RAB9A: variants seen among roughly 807,000 people sequenced by gnomAD.
RAB9A encodes the protein RAB9A, member RAS oncogene family, also known as ras-related protein Rab-9A.
RAB9A carries 1 observed loss-of-function variant against 10.3 expected under a neutral mutation model. The ratio of observed to expected loss-of-function variants is 0.10; its 90% CI spans 0.03 to 0.46. The LOEUF (loss-of-function observed/expected upper bound fraction) is 0.46, where lower values mean the gene tolerates loss of function less well. Ranked by LOEUF, RAB9A falls within the 20% of genes least tolerant of loss-of-function variation. The pLI, the probability that RAB9A is intolerant of heterozygous loss-of-function variation, is 0.96. For synonymous variants in RAB9A, 39 were observed against 55.2 expected, an observed-to-expected ratio of 0.71 and a Z score of 1.30; for missense variants, 92 against 150.3, an observed-to-expected ratio of 0.61 and a Z score of 2.03.
intron 1 of RAB9A, among the ~76,000 whole-genome samples, chrX:13,689,931 G>A (rs1451245598): frequency 9.3e-6 from 1 of 107,826 alleles, no homozygotes; most frequent in East Asian, 2.9e-4. Context: ...AGAAATTTAA[G>A]TGCTGAACTT....
At position 13,691,659 on chromosome X, in the gene RAB9A, CAAAAAAAAAAA is replaced by C. The variant is rs765886332; in HGVS notation, c.-116+2389_-116+2399del. On this transcript the variant is annotated intron_variant, in intron 1 of 2. Transcript: ENST00000464506. The stretch of plus-strand genomic sequence containing the variant: ...TGGGCAACAGAATGAGACTCCATCT[CAAAAAAAAAAA>C]AAAAAAAAAAAAAAAAAGACCAAAT... 3.8e-4 allele frequency among the ~76,000 whole-genome samples: 6 copies of C among 15,924 alleles called. No individual in the cohort carries two copies. In the South Asian group the frequency reaches 0.065, roughly 172 times the overall value. 13.8% of individuals were successfully genotyped at this position (15,924 alleles called of 115,157 possible). A position where few individuals can be genotyped will look rare whatever the true frequency, so the allele number is the denominator to read the frequency against.
rs2046211865 is a variant in RAB9A at position 13,709,371 on chromosome X, A to G, written c.*19A>G. The G allele has an allele frequency of 4.2e-6, 5 of 1,182,341 alleles. No homozygotes were observed. Among genetic ancestry groups the G allele is most frequent in the Non-Finnish European group, 5.7e-6 (5 of 880,188 alleles). ...CTGTTGATTGTTAGATTGTTGATGC[A>G]TTCTAACCAACTCACACATATACAC... On this transcript the variant is annotated 3_prime_UTR_variant, in exon 3 of 3. Coordinates refer to ENST00000464506, the MANE Select transcript of RAB9A (RefSeq NM_004251.5).
At chrX:13,695,815 A>G (rs1227655865) in intron 1 of RAB9A, among the ~76,000 whole-genome samples, 1 of 111,526 alleles carries the variant, frequency 9.0e-6, no homozygotes, top group Non-Finnish European at 1.9e-5. Flanking sequence ...GAAACAGGTA[A>G]GGGTTTCAGT....
intron 1 of RAB9A, among the ~76,000 whole-genome samples, chrX:13,700,774 A>T (rs563037125): frequency 7.6e-5 from 8 of 105,253 alleles, no homozygotes; most frequent in South Asian, 4.1e-4. Flanking sequence ...TACAGTAAAA[A>T]TTTTTTTTTT....
intron 1 of RAB9A, among the ~76,000 whole-genome samples, chrX:13,689,818 G>A (rs946076989): frequency 3.6e-5 from 4 of 112,335 alleles, no homozygotes; most frequent in African/African-American, 1.3e-4. Context: ...CAATCTTAGA[G>A]GCTGCAGGCG....
intron 1 of RAB9A, among the ~76,000 whole-genome samples, chrX:13,695,279 G>T (rs1274177786): frequency 1.8e-5 from 2 of 112,270 alleles, no homozygotes; most frequent in African/African-American, 6.5e-5. Context: ...TGCATCTACA[G>T]TTGTTCTTTC....
chrX:13,691,239 G>C (rs186669140), intron 1 of RAB9A, among the ~76,000 whole-genome samples: 1 of 111,703 alleles, frequency 9.0e-6, no homozygotes, highest in Non-Finnish European at 1.9e-5. Context: ...AGTAACCCCA[G>C]AGCTTACATT....
At chrX:13,697,166 C>T (rs767096457) in intron 1 of RAB9A, among the ~76,000 whole-genome samples, 1 of 111,850 alleles carries the variant, frequency 8.9e-6, no homozygotes, top group Non-Finnish European at 1.9e-5. Flanking sequence ...CAACCCCTAG[C>T]TTTGTCTGCT....
Position 13,708,718 on chromosome X carries a change from C to T in RAB9A, c.-26-3C>T, listed in dbSNP as rs762758696. The T allele has an allele frequency of 4.3e-6, 5 of 1,152,294 alleles. No individual in the cohort carries two copies. In the African/African-American group the frequency reaches 9.1e-5, roughly 21 times the overall value. The allele number at this position is 1,152,294 out of a possible 1,213,427, so 95.0% of individuals were successfully genotyped here. ...AATGTAATGGTGCCTTTTTATTTTA[C>T]AGGGTTCTTGAAGCTTTTGAGATTA... is the stretch of plus-strand genomic sequence containing the variant. On this transcript the variant is annotated splice_region_variant and splice_polypyrimidine_tract_variant and intron_variant, in intron 2 of 2. Coordinates refer to ENST00000464506, the MANE Select transcript of RAB9A (RefSeq NM_004251.5).
At position 13,710,268 on chromosome X, in the gene RAB9A, C is replaced by G. The variant is rs878958897; in HGVS notation, c.*916C>G. The G allele has an allele frequency of 2.4e-5, 3 of 123,711 alleles. No homozygotes were observed. Among genetic ancestry groups the G allele is most frequent in the African/African-American group, 9.7e-5 (3 of 30,933 alleles). The allele number at this position is 123,711 out of a possible 1,213,427, so 10.2% of individuals were successfully genotyped here. ...GTTTCTTAATTGAAGTTAAAACATT[C>G]CTTTATAACACAAGACACAAGCTGA... On this transcript the variant is annotated 3_prime_UTR_variant, in exon 3 of 3. Transcript: ENST00000464506.
rs770658908 is a variant in RAB9A, at chrX:13,703,871, G to A, written c.-58G>A. ...TGTGATGAAACACTTTTCCCGTGTCGTTTGAGTGCATCTTCTCAACAACCC... is the reference window on the plus strand; with the variant it reads ...TGTGATGAAACACTTTTCCCGTGTCATTTGAGTGCATCTTCTCAACAACCC... On this transcript the variant is annotated 5_prime_UTR_variant, in exon 2 of 3. Coordinates refer to ENST00000464506, the MANE Select transcript of RAB9A (RefSeq NM_004251.5). 3.6e-5 allele frequency: 4 copies of A among 112,242 alleles called. No homozygotes were observed. Among genetic ancestry groups the A allele is most frequent in the East Asian group, 5.6e-4 (2 of 3,589 alleles). 9.3% of individuals were successfully genotyped at this position (112,242 alleles called of 1,213,427 possible).
At position 13,699,158 on chromosome X, in the gene RAB9A, G is replaced by A. The variant is rs752090965; in HGVS notation, c.-115-4656G>A. 9.0e-5 allele frequency among the ~76,000 whole-genome samples: 10 copies of A among 111,487 alleles called. No homozygotes were observed. In the East Asian group the frequency reaches 2.5e-3, roughly 28 times the overall value. On this transcript the variant is annotated intron_variant, in intron 1 of 2. Coordinates refer to ENST00000464506, the MANE Select transcript of RAB9A (RefSeq NM_004251.5). ...TTTCAGCATTTGCCAGCTCCCTGTC[G>A]CAGTCAGTCAATAGTACTTATTTTA...
intron 2 of RAB9A, among the ~76,000 whole-genome samples, chrX:13,708,343 C>CCAA (rs1230224359): frequency 5.6e-5 from 6 of 106,475 alleles, no homozygotes; most frequent in East Asian, 2.9e-4. Flanking sequence ...AAAACCAAAA[C>CCAA]AACAACAACA....
chrX:13,691,384 G>A (rs2046122081), intron 1 of RAB9A, among the ~76,000 whole-genome samples: 1 of 111,855 alleles, frequency 8.9e-6, no homozygotes, highest in Non-Finnish European at 1.9e-5. Flanking sequence ...GTGAGTGGCT[G>A]GGCACGGTGG....
chrX:13,708,320 C>A (rs866034208), intron 2 of RAB9A, among the ~76,000 whole-genome samples: 29 of 93,111 alleles, frequency 3.1e-4, no homozygotes, highest in South Asian at 5.7e-4. Context: ...GATCCTGTCT[C>A]AAAAAAAAAA....
intron 1 of RAB9A, among the ~76,000 whole-genome samples, chrX:13,696,876 G>GTCATT (rs2046150347): frequency 8.0e-5 from 9 of 111,848 alleles, no homozygotes; most frequent in African/African-American, 2.9e-4. Context: ...GGGCAGACCT[G>GTCATT]GGGGGATCAT....
At chrX:13,701,269 A>G (rs1376058541) in intron 1 of RAB9A, among the ~76,000 whole-genome samples, 4 of 107,387 alleles carry the variant, frequency 3.7e-5, no homozygotes, top group Non-Finnish European at 7.7e-5. Flanking sequence ...TACCATCTCC[A>G]TATTTGCCTA....
intron 2 of RAB9A, among the ~76,000 whole-genome samples, chrX:13,705,865 C>G (rs2046195177): frequency 9.0e-6 from 1 of 111,049 alleles, no homozygotes; most frequent in South Asian, 3.8e-4. Flanking sequence ...GCAGCATATG[C>G]CAGGGTGGAG....
chrX:13,692,948 A>G (rs1297427200), intron 1 of RAB9A, among the ~76,000 whole-genome samples: 2 of 112,449 alleles, frequency 1.8e-5, no homozygotes, highest in Admixed American at 9.4e-5. Context: ...GTGCATACAC[A>G]TGGAATCTAA....
Sources: gnomAD v4.1 joint callset for allele counts (sites outside exome capture counted in the v4.1 genomes callset) on GRCh38, gnomAD v4.1.1 for gene constraint, MANE v1.5 for transcripts, NCBI Gene and HGNC (gene_info 2026-07-23, HGNC 2026-07-21) for gene names.